The following RBBP8 variants were observed in gnomAD, a reference collection of about 807,000 sequenced individuals.
The protein encoded by RBBP8 is RB binding protein 8, endonuclease.
A neutral mutation model predicts 108.3 loss-of-function variants in RBBP8; 88 were observed. The ratio of observed to expected loss-of-function variants is 0.81; its 90% confidence interval spans 0.68 to 0.97. The LOEUF is 0.97. Among genes scored for constraint, RBBP8 ranks in the 50% least tolerant of loss-of-function variants. The pLI is 0.00. For synonymous variants in RBBP8, 332 were observed against 348.2 expected, an observed-to-expected ratio of 0.95 and a Z score of 0.52; for missense variants, 1,023 against 1,049.0, an observed-to-expected ratio of 0.98 and a Z score of 0.34.
At chr18:22,970,718 A>G (rs1044109754) in intron 5 of RBBP8, among the ~76,000 whole-genome samples, 2 of 151,948 alleles carry the variant, frequency 1.3e-5, no homozygotes, top group Non-Finnish European at 2.9e-5. Flanking sequence ...AAATTGCCCT[A>G]TTTGCTGTTT....
intron 2 of RBBP8, among the ~76,000 whole-genome samples, chr18:22,942,028 A>G (rs1282688048): frequency 3.3e-5 from 5 of 152,136 alleles, no homozygotes; most frequent in South Asian, 2.1e-4. Flanking sequence ...GAGTCTCTAT[A>G]TGATAACATC....
At chr18:22,999,290 A>T (rs1250608381) in intron 14 of RBBP8, among the ~76,000 whole-genome samples, 1 of 152,210 alleles carries the variant, frequency 6.6e-6, no homozygotes, top group Non-Finnish European at 1.5e-5. Flanking sequence ...TTGGCTGGTC[A>T]GTTCTGTTTC....
At chr18:22,998,444 A>G (rs2045895806) in intron 14 of RBBP8, among the ~76,000 whole-genome samples, 1 of 152,174 alleles carries the variant, frequency 6.6e-6, no homozygotes, top group African/African-American at 2.4e-5. Flanking sequence ...AAGAGATGAG[A>G]ACAATAGGAG....
chr18:23,026,334 T>C lies in RBBP8; in HGVS notation c.*94T>C. Reference sequence around the variant, plus strand: ...TACTAAACATTGATTTTTTTGATCTTCTGTAAATGGATTTATAAATCAGTT... The same window carrying C: ...TACTAAACATTGATTTTTTTGATCTCCTGTAAATGGATTTATAAATCAGTT... On this transcript the variant is annotated 3_prime_UTR_variant, in exon 19 of 19. Coordinates refer to ENST00000327155, the MANE Select transcript of RBBP8 (RefSeq NM_002894.3). 1 of 1,046,844 alleles carries C rather than the reference T, an allele frequency of 9.6e-7. No homozygotes were observed. Among genetic ancestry groups the C allele is most frequent in the Non-Finnish European group, 1.4e-6 (1 of 690,432 alleles). 64.8% of individuals were successfully genotyped at this position (1,046,844 alleles called of 1,614,324 possible).
intron 2 of RBBP8, among the ~76,000 whole-genome samples, chr18:22,943,507 G>C (rs1293620370): frequency 6.6e-6 from 1 of 151,672 alleles, no homozygotes; most frequent in African/African-American, 2.4e-5. Flanking sequence ...ATTCACATCT[G>C]TAAATAATAA....
chr18:23,020,444 TAAAA>T (rs1191883097), intron 17 of RBBP8, among the ~76,000 whole-genome samples: 1 of 151,912 alleles, frequency 6.6e-6, no homozygotes, highest in African/African-American at 2.4e-5. Flanking sequence ...AATAAATAAA[TAAAA>T]CTTTATTTTT....
At chr18:22,926,710 C>A (rs1281773082) in intron 3 of RBBP8, among the ~76,000 whole-genome samples, 2 of 152,120 alleles carry the variant, frequency 1.3e-5, no homozygotes, top group Admixed American at 1.3e-4. Context: ...TCCAATGTAG[C>A]TAGAGTGAAG....
chr18:22,926,164 T>C lies in RBBP8; in HGVS notation c.-153-3219T>C, dbSNP rs143450151. On this transcript the variant is annotated intron_variant, in intron 3 of 4. Coordinates refer to the RBBP8 transcript ENST00000577588. Reference sequence around the variant, plus strand: ...TTTGCTGGCTGCGGTGGCTCACACCTGTAACCCCAGCACTTTGGGAGGCCA... The same window carrying C: ...TTTGCTGGCTGCGGTGGCTCACACCCGTAACCCCAGCACTTTGGGAGGCCA... 3.8e-3 allele frequency among the ~76,000 whole-genome samples: 583 copies of C among 152,366 alleles called. 1 individual carries two copies. Among genetic ancestry groups the C allele is most frequent in the African/African-American group, 0.014 (562 of 41,590 alleles).
intron 12 of RBBP8, among the ~76,000 whole-genome samples, chr18:22,994,877 C>CACCA (rs2045826895): frequency 6.6e-6 from 1 of 151,800 alleles, no homozygotes; most frequent in African/African-American, 2.4e-5. Flanking sequence ...AAGCATGCAC[C>CACCA]ACCACACCCA....
Position 22,993,712 on chromosome 18 carries a change from C to A in RBBP8, c.1813-9C>A, listed in dbSNP as rs529873737. 102 of 1,614,124 alleles carry A rather than the reference C, an allele frequency of 6.3e-5. No homozygotes were observed. The South Asian group carries it at 1.1e-3, about 17-fold the overall frequency. ...TTTCATTTAGAGCTAACAATTATTT[C>A]TGTTTTAGAGTGCTGGTTCTCATGA... On this transcript the variant is annotated splice_polypyrimidine_tract_variant and intron_variant, in intron 11 of 18. Transcript: ENST00000327155.
chr18:23,003,760 A>G (rs1047643933), intron 15 of RBBP8, among the ~76,000 whole-genome samples: 1 of 152,210 alleles, frequency 6.6e-6, no homozygotes, highest in African/African-American at 2.4e-5. Flanking sequence ...GATTGGTGAC[A>G]ATGTAAATTA....
chr18:23,004,273 A>G (rs2046000572), intron 15 of RBBP8, among the ~76,000 whole-genome samples: 1 of 141,286 alleles, frequency 7.1e-6, no homozygotes, highest in Admixed American at 6.9e-5. Context: ...AGATAGGTGT[A>G]TATATATATA....
rs549871267 is a variant in RBBP8, at chr18:22,997,837, C to G, written c.2143+103C>G. On this transcript the variant is annotated intron_variant, in intron 14 of 18. Transcript: ENST00000327155. ...CTCAAGTGACCTCTTCACCATAAAG[C>G]AGGTTTTTTCCTGCTCTGTTAACTT... 1.9e-5 allele frequency: 16 copies of G among 828,650 alleles called. No individual in the cohort carries two copies. In the East Asian group the frequency reaches 4.3e-4, roughly 22 times the overall value. 51.3% of individuals were successfully genotyped at this position (828,650 alleles called of 1,614,324 possible).
At chr18:22,934,971 T>G (rs528874325) in intron 1 of RBBP8, among the ~76,000 whole-genome samples, 1 of 147,668 alleles carries the variant, frequency 6.8e-6, no homozygotes, top group Non-Finnish European at 1.5e-5. Context: ...ATATATTAAA[T>G]AATATATAAA....
chr18:23,009,648 CTATAGGTA>C (rs1266387420), intron 16 of RBBP8, among the ~76,000 whole-genome samples: 1 of 151,826 alleles, frequency 6.6e-6, no homozygotes, highest in African/African-American at 2.4e-5. Flanking sequence ...CTCCCTATCC[CTATAGGTA>C]ATCATTTGTT....
At position 22,993,380 on chromosome 18, in the gene RBBP8, A is replaced by G. The variant is rs368218004; in HGVS notation, c.1553A>G (p.Gln518Arg). ...GSETSKNKFR[Q>R]VTLYEALKTI... ...GAGACTTCTAAAAACAAATTTAGGC[A>G]AGTGACTCTTTATGAGGCTTTGAAG... Residue 518 changes from glutamine (Q) to arginine (R), a missense_variant, in exon 11 of 19, where the codon CAA (glutamine) becomes CGA (arginine). Gln to Arg is a conservative substitution (Grantham distance 43). Coordinates refer to ENST00000327155, the MANE Select transcript of RBBP8 (RefSeq NM_002894.3). 199 of 1,614,146 alleles carry G rather than the reference A, an allele frequency of 1.2e-4. No homozygotes were observed. The highest frequency in any genetic ancestry group is 9.2e-4 in the African/African-American group (69 of 74,960).
rs1413008098 is a variant in RBBP8 at position 23,012,207 on chromosome 18, CCAAAAAAAAAAA to C, written c.2358-4620_2358-4609del. Among the ~76,000 whole-genome samples, 113 of 81,148 alleles carry C rather than the reference CCAAAAAAAAAAA, an allele frequency of 1.4e-3. 1 individual carries two copies. Among genetic ancestry groups the C allele is most frequent in the Admixed American group, 2.5e-3 (15 of 5,894 alleles). The allele number at this position is 81,148 out of a possible 152,430, so 53.2% of individuals were successfully genotyped here. A position where few individuals can be genotyped will look rare whatever the true frequency, so the allele number is the denominator to read the frequency against. On this transcript the variant is annotated intron_variant, in intron 16 of 18. Coordinates refer to ENST00000327155, the MANE Select transcript of RBBP8 (RefSeq NM_002894.3). ...TGGGAGACAAAGTGAGATGCTGTCT[CCAAAAAAAAAAA>C]AAAAAAAAAAAACCAACTATGATGC...
chr18:22,981,171 C>T (rs894574038), intron 6 of RBBP8, among the ~76,000 whole-genome samples: 5 of 151,600 alleles, frequency 3.3e-5, no homozygotes, highest in Middle Eastern at 3.4e-3. Flanking sequence ...AGGGTTTCAC[C>T]GTGTTAGCCA....
intron 16 of RBBP8, among the ~76,000 whole-genome samples, chr18:23,011,311 C>T (rs567230938): frequency 3.9e-5 from 6 of 152,226 alleles, no homozygotes; most frequent in Admixed American, 2.0e-4. Flanking sequence ...AATCTGTCAG[C>T]GGCATTTTTC....
Sources: gnomAD v4.1 joint callset for allele counts (sites outside exome capture counted in the v4.1 genomes callset) on GRCh38, gnomAD v4.1.1 for gene constraint, MANE v1.5 for transcripts, NCBI Gene and HGNC (gene_info 2026-07-23, HGNC 2026-07-21) for gene names.